Variants in KCNG3 observed in about 807,000 individuals in gnomAD.
KCNG3 encodes the protein potassium voltage-gated channel modifier subfamily G member 3, also known as voltage-gated potassium channel regulatory subunit KCNG3.
In KCNG3, 15 loss-of-function variants were observed where a neutral mutation model predicts 29.0. The observed-to-expected ratio is 0.52, with a 90% CI of 0.35 to 0.80. The LOEUF is 0.80. Among genes scored for constraint, KCNG3 ranks in the 30% least tolerant of loss-of-function variants. The pLI is 0.01. For missense variants in KCNG3, 512 were observed against 605.7 expected (o/e 0.85, Z 1.62); for synonymous variants, 322 against 248.9 (o/e 1.29, Z -2.76).
chr2:42,398,224 AAAATAAAT>A, the KCNG3 span, among the ~76,000 whole-genome samples: 4,004 of 141,398 alleles, frequency 0.028, 158 homozygotes, highest in African/African-American at 0.089. Context: ...CTCTGTCTCA[AAAATAAAT>A]AAATAAATAA....
the KCNG3 span, among the ~76,000 whole-genome samples, chr2:42,397,835 C>G: frequency 2.0e-5 from 3 of 152,310 alleles, no homozygotes; most frequent in South Asian, 4.1e-4. Flanking sequence ...ATGAGAAAAT[C>G]TGGCATTTGT....
At chr2:42,468,740 G>C (rs74782153) in intron 1 of KCNG3, among the ~76,000 whole-genome samples, 2 of 151,390 alleles carry the variant, frequency 1.3e-5, no homozygotes, top group Non-Finnish European at 2.9e-5. Context: ...GGATCACGAA[G>C]TCAGGAGTTC....
At chr2:42,414,122 T>C in the KCNG3 span, among the ~76,000 whole-genome samples, 8 of 152,228 alleles carry the variant, frequency 5.3e-5, no homozygotes, top group Non-Finnish European at 8.8e-5. Flanking sequence ...ATAATTATTA[T>C]TTTATTTAAA....
At chr2:42,453,368 G>C (rs899695468) in intron 1 of KCNG3, among the ~76,000 whole-genome samples, 1 of 152,088 alleles carries the variant, frequency 6.6e-6, no homozygotes, top group African/African-American at 2.4e-5. Flanking sequence ...ATTTGTTATT[G>C]TCTGTCTTTT....
At chr2:42,438,724 A>C (rs1672418743), downstream of KCNG3, among the ~76,000 whole-genome samples, 1 of 152,220 alleles carries the variant, frequency 6.6e-6, no homozygotes, top group South Asian at 2.1e-4. Context: ...GAAAAATCTG[A>C]AAGTTTGGGC....
chr2:42,483,892 A>G (rs1572865120), intron 1 of KCNG3, among the ~76,000 whole-genome samples: 1 of 152,266 alleles, frequency 6.6e-6, no homozygotes. Context: ...TCTAGGTTCA[A>G]GTGATCCTCC....
chr2:42,430,356 T>G, the KCNG3 span, among the ~76,000 whole-genome samples: 1 of 143,362 alleles, frequency 7.0e-6, no homozygotes, highest in Non-Finnish European at 1.5e-5. Context: ...CAACACAGAC[T>G]GTCTTAAAAA....
At chr2:42,451,755 C>T (rs1445770303) in intron 1 of KCNG3, among the ~76,000 whole-genome samples, 1 of 151,818 alleles carries the variant, frequency 6.6e-6, no homozygotes, top group Non-Finnish European at 1.5e-5. Flanking sequence ...TTAAAATTAG[C>T]AGGGAGTGGT....
chr2:42,476,844 G>C (rs1673439032), intron 1 of KCNG3, among the ~76,000 whole-genome samples: 1 of 150,978 alleles, frequency 6.6e-6, no homozygotes, highest in African/African-American at 2.4e-5. Flanking sequence ...CTTTGCAAAA[G>C]AATTTGTTGC....
intron 1 of KCNG3, among the ~76,000 whole-genome samples, chr2:42,469,120 G>A (rs1228075056): frequency 6.6e-6 from 1 of 150,888 alleles, no homozygotes; most frequent in East Asian, 2.0e-4. Context: ...GTGAATGCTG[G>A]AATTAATAGG....
chr2:42,399,088 A>C, the KCNG3 span, among the ~76,000 whole-genome samples: 1 of 114,966 alleles, frequency 8.7e-6, no homozygotes, highest in East Asian at 2.4e-4. Flanking sequence ...ACAGGGTCTC[A>C]CTCTGTCACC....
intron 1 of KCNG3, among the ~76,000 whole-genome samples, chr2:42,479,645 C>CAAA (rs1228507786): frequency 2.2e-5 from 2 of 91,102 alleles, no homozygotes; most frequent in African/African-American, 3.7e-5. Context: ...GACCCTGTCT[C>CAAA]AAAAAAAAAA....
intron 1 of KCNG3, among the ~76,000 whole-genome samples, chr2:42,466,474 C>A (rs753389446): frequency 5.3e-5 from 8 of 152,120 alleles, no homozygotes; most frequent in Non-Finnish European, 7.3e-5. Context: ...GTTGTAACTG[C>A]CTACAGTATT....
At chr2:42,410,515 A>G in the KCNG3 span, among the ~76,000 whole-genome samples, 4 of 152,112 alleles carry the variant, frequency 2.6e-5, no homozygotes, top group Admixed American at 1.3e-4. Flanking sequence ...CTTAGTCTAG[A>G]TTGAAATTGC....
intron 1 of KCNG3, among the ~76,000 whole-genome samples, chr2:42,461,266 G>C (rs1318094214): frequency 1.3e-5 from 2 of 149,868 alleles, no homozygotes; most frequent in East Asian, 4.0e-4. Context: ...CCATGCATCA[G>C]TGTTCGTGTT....
At chr2:42,492,316 T>A (rs1036718251) in intron 1 of KCNG3, among the ~76,000 whole-genome samples, 1 of 152,184 alleles carries the variant, frequency 6.6e-6, no homozygotes, top group African/African-American at 2.4e-5. Flanking sequence ...TATCGATAAA[T>A]TAACCTGCTT....
At chr2:42,401,830 G>T in the KCNG3 span, among the ~76,000 whole-genome samples, 1 of 152,140 alleles carries the variant, frequency 6.6e-6, no homozygotes, top group Non-Finnish European at 1.5e-5. Context: ...GTTTCAGTGA[G>T]CCAAGCTTGC....
chr2:42,422,727 T>A, the KCNG3 span, among the ~76,000 whole-genome samples: 3 of 152,140 alleles, frequency 2.0e-5, no homozygotes, highest in Non-Finnish European at 4.4e-5. Flanking sequence ...ATGTTTATAT[T>A]TCCACCATAT....
intron 1 of KCNG3, among the ~76,000 whole-genome samples, chr2:42,488,385 G>A (rs1280323838): frequency 6.6e-6 from 1 of 151,882 alleles, no homozygotes; most frequent in Non-Finnish European, 1.5e-5. Context: ...TTTTTTTGTT[G>A]TTTTGTTTTG....
Sources: gnomAD v4.1 joint callset for allele counts (sites outside exome capture counted in the v4.1 genomes callset) on GRCh38, gnomAD v4.1.1 for gene constraint, MANE v1.5 for transcripts, NCBI Gene and HGNC (gene_info 2026-07-23, HGNC 2026-07-21) for gene names.